The following PRKCE variants were observed in gnomAD, a reference collection of about 807,000 sequenced individuals.
The protein encoded by PRKCE is protein kinase C epsilon type.
PRKCE carries 16 observed loss-of-function variants against 85.4 expected under a neutral mutation model. The ratio of observed to expected loss-of-function variants is 0.19; its 90% CI spans 0.13 to 0.28. PRKCE has a LOEUF of 0.28. Ranked by LOEUF, PRKCE falls within the 10% of genes least tolerant of loss-of-function variation. PRKCE has a pLI of 1.00. For synonymous variants in PRKCE, 388 were observed against 371.5 expected, an observed-to-expected ratio of 1.04 and a Z score of -0.51; for missense variants, 573 against 975.2, an observed-to-expected ratio of 0.59 and a Z score of 5.49.
At chr2:45,777,475 A>G (rs1298677570) in intron 1 of PRKCE, among the ~76,000 whole-genome samples, 5 of 151,984 alleles carry the variant, frequency 3.3e-5, no homozygotes, top group Non-Finnish European at 5.9e-5. Context: ...AGTGGCGCCC[A>G]CGAGCTAATG....
intron 13 of PRKCE, 50 bp downstream of exon 13, chr2:46,151,279 CTACACA>C (rs780461129): frequency 2.8e-5 from 28 of 1,010,554 alleles, no homozygotes; most frequent in Non-Finnish European, 3.1e-5. Context: ...GCTCCTCCCC[CTACACA>C]CACACACACA....
chr2:46,140,583 ACCCTGGGAGAAT>A (rs1675417864), intron 11 of PRKCE, among the ~76,000 whole-genome samples: 1 of 152,180 alleles, frequency 6.6e-6, no homozygotes, highest in African/African-American at 2.4e-5. Flanking sequence ...ACTGGGAGAA[ACCCTGGGAGAAT>A]ACTTTTATAA....
At chr2:45,958,202 A>G (rs1701105078) in intron 2 of PRKCE, among the ~76,000 whole-genome samples, 1 of 149,066 alleles carries the variant, frequency 6.7e-6, no homozygotes, top group Non-Finnish European at 1.5e-5. Flanking sequence ...AAAAAAAAAA[A>G]AAAAAAAAAA....
intron 2 of PRKCE, among the ~76,000 whole-genome samples, chr2:45,963,599 G>A (rs1033155042): frequency 6.6e-6 from 1 of 152,146 alleles, no homozygotes; most frequent in Non-Finnish European, 1.5e-5. Flanking sequence ...ATGAGCTACC[G>A]CGCCCGGCCA....
intron 1 of PRKCE, among the ~76,000 whole-genome samples, chr2:45,832,474 A>G (rs975188901): frequency 5.9e-5 from 9 of 152,024 alleles, no homozygotes; most frequent in Admixed American, 5.2e-4. Flanking sequence ...CACCATGCCC[A>G]GCTAATTTTT....
chr2:45,921,616 TGA>T (rs1698256478), intron 2 of PRKCE, among the ~76,000 whole-genome samples: 1 of 152,122 alleles, frequency 6.6e-6, no homozygotes, highest in Non-Finnish European at 1.5e-5. Flanking sequence ...ACTGACAGGG[TGA>T]CCAGAGCTCC....
chr2:45,996,207 G>C (rs1430565624), intron 6 of PRKCE, among the ~76,000 whole-genome samples: 2 of 151,954 alleles, frequency 1.3e-5, no homozygotes, highest in Non-Finnish European at 2.9e-5. Flanking sequence ...TATTAACTTT[G>C]TATTCTTCAA....
intron 1 of PRKCE, among the ~76,000 whole-genome samples, chr2:45,750,757 A>C (rs1269901788): frequency 6.6e-6 from 1 of 152,210 alleles, no homozygotes. Context: ...TATATAGAAC[A>C]GTGTCTGAAT....
intron 10 of PRKCE, chr2:46,078,949 C>T (rs910697124): frequency 6.6e-6 from 1 of 152,206 alleles, no homozygotes; most frequent in Non-Finnish European, 1.5e-5. Context: ...GAGGCCGAAG[C>T]AAGTGGATCA....
In PRKCE at chr2:45,652,526, G is replaced by A; in HGVS notation, c.348+78G>A. The A allele has an allele frequency of 4.4e-6, 6 of 1,359,462 alleles. No homozygotes were observed. Among genetic ancestry groups the A allele is most frequent in the Non-Finnish European group, 5.9e-6 (6 of 1,009,862 alleles). 84.2% of individuals were successfully genotyped at this position (1,359,462 alleles called of 1,614,324 possible). ...GAAAGACTCGCTGGTCTTGATCGTA[G>A]GGCTCCGGGACTTATTGACGACTGG... On this transcript the variant is annotated intron_variant, in intron 1 of 14. Coordinates refer to ENST00000306156, the MANE Select transcript of PRKCE (RefSeq NM_005400.3). The surrounding 1 kb of genome is among the most constrained non-coding windows in gnomAD (Gnocchi z 7.7).
chr2:46,048,040 TTTTAA>T (rs1189036997), intron 10 of PRKCE, among the ~76,000 whole-genome samples: 1 of 152,212 alleles, frequency 6.6e-6, no homozygotes, highest in Non-Finnish European at 1.5e-5. Flanking sequence ...AACCAGTGTA[TTTTAA>T]TTTAACTCAC....
chr2:46,176,942 G>A (rs369043153), intron 14 of PRKCE, among the ~76,000 whole-genome samples: 36 of 152,190 alleles, frequency 2.4e-4, no homozygotes, highest in African/African-American at 8.2e-4. Context: ...GTATTTTAGG[G>A]TTTATCTGAG....
chr2:45,823,782 G>A (rs1689723495), intron 1 of PRKCE, among the ~76,000 whole-genome samples: 1 of 152,204 alleles, frequency 6.6e-6, no homozygotes, highest in South Asian at 2.1e-4. Context: ...CACCTCTGAG[G>A]GCATGTCCAG....
At chr2:45,784,291 A>T (rs1374831010) in intron 1 of PRKCE, among the ~76,000 whole-genome samples, 1 of 152,246 alleles carries the variant, frequency 6.6e-6, no homozygotes, top group Non-Finnish European at 1.5e-5. Context: ...CAGAGGGAGC[A>T]GTGTTGACAA....
intron 1 of PRKCE, among the ~76,000 whole-genome samples, chr2:45,733,864 C>T (rs772941728): frequency 1.1e-4 from 16 of 152,172 alleles, no homozygotes; most frequent in Admixed American, 2.6e-4. Context: ...GCCTGCTGGC[C>T]CCTGCCTTCT....
At chr2:46,173,236 G>C (rs963248713) in intron 14 of PRKCE, among the ~76,000 whole-genome samples, 2 of 152,232 alleles carry the variant, frequency 1.3e-5, no homozygotes, top group African/African-American at 4.8e-5. Context: ...TGCCCATAAA[G>C]TTTTATCGGA....
intron 11 of PRKCE, among the ~76,000 whole-genome samples, chr2:46,121,440 A>T (rs1402126868): frequency 6.6e-6 from 1 of 152,150 alleles, no homozygotes; most frequent in Non-Finnish European, 1.5e-5. Flanking sequence ...GTTCTCTCTG[A>T]CACCAAGGTG....
At chr2:45,668,190 A>T in intron 1 of PRKCE, among the ~76,000 whole-genome samples, 1 of 151,984 alleles carries the variant, frequency 6.6e-6, no homozygotes, top group East Asian at 1.9e-4. Flanking sequence ...AAAATACAAA[A>T]ATTAGCCGGG....
chr2:45,872,245 G>T (rs1694153218), intron 2 of PRKCE, among the ~76,000 whole-genome samples: 1 of 152,124 alleles, frequency 6.6e-6, no homozygotes, highest in African/African-American at 2.4e-5. Context: ...AGCCATGCAG[G>T]AATGAAAGAA....
Sources: gnomAD v4.1 joint callset for allele counts (sites outside exome capture counted in the v4.1 genomes callset) on GRCh38, gnomAD v4.1.1 for gene constraint, Gnocchi (gnomAD v3.1) non-coding constraint, MANE v1.5 for transcripts, NCBI Gene and HGNC (gene_info 2026-07-23, HGNC 2026-07-21) for gene names.